The following CTU2 variants were observed in gnomAD, a reference collection of about 807,000 sequenced individuals.
CTU2 encodes cytoplasmic tRNA 2-thiolation protein 2.
Under a neutral mutation model 64.1 loss-of-function variants are expected in CTU2, and 80 were observed. The ratio of observed to expected loss-of-function variants is 1.25; its 90% confidence interval spans 1.04 to 1.50. CTU2 has a LOEUF of 1.50. Among genes scored for constraint, CTU2 ranks in the 40% most tolerant of loss-of-function variants. The pLI is 0.00. For synonymous variants in CTU2, 482 were observed against 285.3 expected (o/e 1.69, Z -6.95); for missense variants, 1,110 against 690.2 (o/e 1.61, Z -6.81).
At chr16:88,712,494 G>A in intron 6 of CTU2, 111 bp downstream of exon 6, 3 of 1,445,022 alleles carry the variant, frequency 2.1e-6, no homozygotes, top group Middle Eastern at 2.5e-4. Context: ...GGCTGTCGGT[G>A]GGGGGTGGGA....
intron 2 of CTU2, among the ~76,000 whole-genome samples, chr16:88,708,144 C>T (rs57817451): frequency 0.13 from 19,793 of 152,220 alleles, 1,468 homozygotes; most frequent in Middle Eastern, 0.22. Flanking sequence ...CACCCAGGAG[C>T]ATCTGAAATT....
intron 9 of CTU2, 142 bp from the exon 10 acceptor site, chr16:88,713,994 C>A: frequency 9.6e-7 from 1 of 1,046,092 alleles, no homozygotes; most frequent in Non-Finnish European, 1.4e-6. Context: ...AGCGGGTTCT[C>A]TGGCTGCCTT....
rs926467594 is a variant in CTU2, at chr16:88,715,386, ACT to A, written c.*138_*139del. 20 of 1,064,446 alleles carry A rather than the reference ACT, an allele frequency of 1.9e-5. No individual in the cohort carries two copies. Among genetic ancestry groups the A allele is most frequent in the African/African-American group, 4.8e-5 (3 of 62,514 alleles). The allele number at this position is 1,064,446 out of a possible 1,614,324, so 65.9% of individuals were successfully genotyped here. Reference sequence around the variant, plus strand: ...AAAACATTTTTTAATTAAAAAAAAAACTCTACAGTACACGTGGGGGACGGCAG... The same window carrying A: ...AAAACATTTTTTAATTAAAAAAAAAACTACAGTACACGTGGGGGACGGCAG... On this transcript the variant is annotated 3_prime_UTR_variant, in exon 15 of 15. Coordinates refer to ENST00000453996, the MANE Select transcript of CTU2 (RefSeq NM_001012759.3).
In CTU2 at chr16:88,712,725, A is replaced by C; in HGVS notation, c.557A>C (p.His186Pro). ...GTGGACAGCTTCCTCCAGCAGCAGC[A>C]TGTGCTGGGGGCCGGGGGTGGTCCT... ...AAVDSFLQQQ[H>P]VLGAGGGPGP... Residue 186 changes from histidine to proline, a missense_variant, in exon 7 of 15, where the codon CAT becomes CCT. By Grantham distance (77) the His-to-Pro change is moderately conservative. Transcript: ENST00000453996. 1 of 1,609,662 alleles carries C rather than the reference A, an allele frequency of 6.2e-7. No individual in the cohort carries two copies. The highest frequency in any genetic ancestry group is 8.5e-7 in the Non-Finnish European group (1 of 1,178,962).
rs779824180 is a variant in CTU2, at chr16:88,715,121, A to G, written c.1478+15A>G. The G allele has an allele frequency of 4.4e-6, 7 of 1,597,624 alleles. No homozygotes were observed. Among genetic ancestry groups the G allele is most frequent in the Admixed American group, 1.7e-5 (1 of 58,634 alleles). ...CGCACACAGAGGTACTGGGGCCCACACTGCCGTGGCGCGTGGGTAAGGGGC... is the reference window on the plus strand; with the variant it reads ...CGCACACAGAGGTACTGGGGCCCACGCTGCCGTGGCGCGTGGGTAAGGGGC... On this transcript the variant is annotated intron_variant, in intron 14 of 14. Transcript: ENST00000453996.
rs1911780125 is a variant in CTU2 at position 88,714,798 on chromosome 16, T to A, written c.1352+61T>A. The A allele has an allele frequency of 3.1e-6, 5 of 1,610,172 alleles. No individual in the cohort carries two copies. In the South Asian group the frequency reaches 5.5e-5, roughly 18 times the overall value. Reference sequence around the variant, plus strand: ...ATGGGGCGGGAGGGGGACCTGTCCTTACCCCACACTGCACGGCATTGAGGT... The same window carrying A: ...ATGGGGCGGGAGGGGGACCTGTCCTAACCCCACACTGCACGGCATTGAGGT... On this transcript the variant is annotated intron_variant, in intron 12 of 14. Coordinates refer to ENST00000453996, the MANE Select transcript of CTU2 (RefSeq NM_001012759.3).
chr16:88,706,949 C>G (rs1344654044), intron 1 of CTU2, 187 bp from the exon 2 acceptor site: 4 of 608,576 alleles, frequency 6.6e-6, no homozygotes, highest in Non-Finnish European at 1.2e-5. Flanking sequence ...CTAGGCTAAA[C>G]ATCCCCCCAG....
rs528406956 is a variant in CTU2 at position 88,712,097 on chromosome 16, C to G, written c.344-177C>G. The G allele has an allele frequency of 2.2e-5, 16 of 715,986 alleles. No individual in the cohort carries two copies. The African/African-American group carries it at 2.6e-4, about 12-fold the overall frequency. The allele number at this position is 715,986 out of a possible 1,614,324, so 44.4% of individuals were successfully genotyped here. A position where few individuals can be genotyped will look rare whatever the true frequency, so the allele number is the denominator to read the frequency against. ...GGGGTGTTGACTGTAGCGCTGAGGT[C>G]AGCCGCAAGAGAGAAACCCCTGCCC... On this transcript the variant is annotated intron_variant, in intron 5 of 14. Coordinates refer to ENST00000453996, the MANE Select transcript of CTU2 (RefSeq NM_001012759.3).
chr16:88,712,548 C>G (rs932324928), intron 6 of CTU2, 74 bp from the exon 7 acceptor site: 42 of 1,553,060 alleles, frequency 2.7e-5, no homozygotes, highest in Non-Finnish European at 3.6e-5. Flanking sequence ...TCCCGCATCC[C>G]GGAAGGTGGG....
chr16:88,714,139 C>T lies in CTU2; in HGVS notation c.1009C>T (p.Pro337Ser). ...CCTCCAATCTGATTGTCCCTAGGCC[C>T]CTGAAAAGGCCAGCATCCACCGGCT... ...VFTPAVDTKA[P>S]EKASIHRLME... Residue 337 changes from proline to serine, a missense_variant, in exon 10 of 15, where the codon CCT (proline) becomes TCT (serine). By Grantham distance (74) the Pro-to-Ser change is moderately conservative. Coordinates refer to ENST00000453996, the MANE Select transcript of CTU2 (RefSeq NM_001012759.3). 6.2e-7 allele frequency: 1 copy of T among 1,612,588 alleles called. No individual in the cohort carries two copies.
rs547776844 is a variant in CTU2, at chr16:88,713,599, A to G, written c.874-48A>G. The G allele has an allele frequency of 3.8e-6, 6 of 1,591,224 alleles. No homozygotes were observed. The Admixed American group carries it at 8.6e-5, about 23-fold the overall frequency. On this transcript the variant is annotated intron_variant, in intron 8 of 14. Coordinates refer to ENST00000453996, the MANE Select transcript of CTU2 (RefSeq NM_001012759.3). ...CCTACCTGGCAGGGGAGGAGGGGCA[A>G]GCACATTCGGGCCTTGACCTGGACC...
chr16:88,714,159 C>G lies in CTU2; in HGVS notation c.1029C>G (p.His343Gln). The change falls in exon 10 of 15, where the codon CAC becomes CAG. Residue 343 changes from histidine to glutamine, a missense_variant. Physicochemically the swap from His to Gln is conservative, Grantham distance 24. Coordinates refer to ENST00000453996, the MANE Select transcript of CTU2 (RefSeq NM_001012759.3). ...DTKAPEKASI[H>Q]RLMEAFILRL... ...AGGCCCCTGAAAAGGCCAGCATCCACCGGCTGATGGAGGCCTTCATCCTCA... is the reference window on the plus strand; with the variant it reads ...AGGCCCCTGAAAAGGCCAGCATCCAGCGGCTGATGGAGGCCTTCATCCTCA... The G allele has an allele frequency of 6.2e-7, 1 of 1,612,770 alleles. No individual in the cohort carries two copies. Among genetic ancestry groups the G allele is most frequent in the Non-Finnish European group, 8.5e-7 (1 of 1,179,900 alleles).
At chr16:88,710,348 T>C in intron 4 of CTU2, 66 bp downstream of exon 4, 1 of 1,552,656 alleles carries the variant, frequency 6.4e-7, no homozygotes, top group Non-Finnish European at 8.9e-7. Flanking sequence ...GCCTCCCTTC[T>C]CAGCCTGCTG....
Position 88,714,673 on chromosome 16 carries a change from C to G in CTU2, c.1288C>G (p.Pro430Ala). ...PIPLTETRTP[P>A]GPCCSPGVGW... ...CCCCCTGACTGAGACCCGGACACCC[C>G]CGGGGCCCTGCTGTTCTCCAGGGGT... Residue 430 changes from proline (P) to alanine (A), a missense_variant, in exon 12 of 15, where the codon CCG (proline) becomes GCG (alanine). Physicochemically the swap from Pro to Ala is conservative, Grantham distance 27 (BLOSUM62 -1). Transcript: ENST00000453996. 6.2e-7 allele frequency: 1 copy of G among 1,612,412 alleles called. No homozygotes were observed. Among genetic ancestry groups the G allele is most frequent in the Non-Finnish European group, 8.5e-7 (1 of 1,179,798 alleles).
chr16:88,714,957 G>C (rs748155180), intron 13 of CTU2, 31 bp downstream of exon 13: 1 of 1,604,294 alleles, frequency 6.2e-7, no homozygotes, highest in Admixed American at 1.7e-5. Context: ...CCTGGGCCGG[G>C]CTTGGGGACG....
At chr16:88,713,257 C>G (rs1436884419) in intron 7 of CTU2, 55 bp from the exon 8 acceptor site, 1 of 1,217,916 alleles carries the variant, frequency 8.2e-7, no homozygotes, top group Admixed American at 2.3e-5. Flanking sequence ...TACCCGAGAG[C>G]CCCCCTTCCC....
At chr16:88,710,349 C>A in intron 4 of CTU2, 67 bp downstream of exon 4, 1 of 1,556,760 alleles carries the variant, frequency 6.4e-7, no homozygotes, top group Non-Finnish European at 8.8e-7. Context: ...CCTCCCTTCT[C>A]AGCCTGCTGA....
At chr16:88,707,315 T>TA (rs1317916373) in intron 2 of CTU2, 105 bp downstream of exon 2, 13 of 1,072,852 alleles carry the variant, frequency 1.2e-5, no homozygotes, top group Admixed American at 3.7e-5. Context: ...AACATGTACT[T>TA]ACTTTATTCC....
intron 2 of CTU2, chr16:88,709,472 AAG>A (rs1323979447): frequency 3.8e-5 from 6 of 157,868 alleles, no homozygotes; most frequent in Admixed American, 1.2e-4. Context: ...CTTCACCCCA[AAG>A]AGGTGGTGTC....
Sources: allele counts gnomAD v4.1 joint callset (sites outside exome capture counted in the v4.1 genomes callset), GRCh38; gene constraint gnomAD v4.1.1; transcripts MANE v1.5; gene names NCBI Gene and HGNC (gene_info 2026-07-23, HGNC 2026-07-21).